Variants in PPP2R2A observed in about 807,000 individuals in gnomAD.
PPP2R2A encodes the protein serine/threonine-protein phosphatase 2A 55 kDa regulatory subunit B alpha isoform.
Under a neutral mutation model 53.2 loss-of-function variants are expected in PPP2R2A, and 9 were observed. That is an observed-to-expected ratio of 0.17 (90% confidence interval 0.10 to 0.30). The LOEUF is 0.30. Ranked by LOEUF, PPP2R2A falls within the 10% of genes least tolerant of loss-of-function variation. PPP2R2A has a pLI of 1.00. For missense variants in PPP2R2A, 235 were observed against 534.6 expected (o/e 0.44, Z 5.53); for synonymous variants, 169 against 174.2 (o/e 0.97, Z 0.23).
chr8:26,295,551 G>A (rs959993905), intron 2 of PPP2R2A, among the ~76,000 whole-genome samples: 9 of 152,316 alleles, frequency 5.9e-5, no homozygotes, highest in East Asian at 1.9e-4. Context: ...GAAGTTAGGA[G>A]ATAAATCAGT....
intron 3 of PPP2R2A, among the ~76,000 whole-genome samples, chr8:26,342,428 G>A (rs916905870): frequency 5.9e-5 from 9 of 152,204 alleles, no homozygotes; most frequent in African/African-American, 1.4e-4. Flanking sequence ...GGATAATGAT[G>A]TTCTCTAGGT....
chr8:26,327,398 A>G (rs1018669568), intron 2 of PPP2R2A, among the ~76,000 whole-genome samples: 4 of 152,296 alleles, frequency 2.6e-5, no homozygotes, highest in Middle Eastern at 3.4e-3. Flanking sequence ...AGAGGAAGGA[A>G]TGGTTGGAAC....
Position 26,362,953 on chromosome 8 carries a change from G to T in PPP2R2A, c.802+105G>T. The T allele has an allele frequency of 1.8e-6, 2 of 1,121,526 alleles. No homozygotes were observed. Among genetic ancestry groups the T allele is most frequent in the Non-Finnish European group, 2.5e-6 (2 of 785,678 alleles). 69.5% of individuals were successfully genotyped at this position (1,121,526 alleles called of 1,614,324 possible). A position where few individuals can be genotyped will look rare whatever the true frequency, so the allele number is the denominator to read the frequency against. On this transcript the variant is annotated intron_variant, in intron 7 of 9. Transcript: ENST00000380737. The surrounding 1 kb of genome is among the most constrained non-coding windows in gnomAD (Gnocchi z 4.4). ...TACAGAGGTTCAAAGTCTTAAACCC[G>T]TGTGTCCAGAGCCACTTGTACCCTT... is the stretch of plus-strand genomic sequence containing the variant.
intron 2 of PPP2R2A, among the ~76,000 whole-genome samples, chr8:26,326,730 G>C (rs567317487): frequency 6.6e-6 from 1 of 152,078 alleles, no homozygotes; most frequent in Non-Finnish European, 1.5e-5. Flanking sequence ...ACTTAATAAG[G>C]CCACTGAATG....
At chr8:26,297,336 G>A (rs1465263789) in intron 2 of PPP2R2A, among the ~76,000 whole-genome samples, 2 of 152,050 alleles carry the variant, frequency 1.3e-5, no homozygotes, top group Non-Finnish European at 2.9e-5. Context: ...TTGAACTCCT[G>A]ACCTCAAGTG....
rs112318680 is a variant in PPP2R2A, at chr8:26,300,594, G to A, written c.82+6854G>A. ...AAGCTGGCGGGGCGCGGTGGCTCAC[G>A]CCTGTAATCCCAGCACTTTGGGAGA... On this transcript the variant is annotated intron_variant, in intron 2 of 9. Coordinates refer to ENST00000380737, the MANE Select transcript of PPP2R2A (RefSeq NM_002717.4). Among the ~76,000 whole-genome samples the A allele has an allele frequency of 1.4e-3, 213 of 152,310 alleles. 2 individuals are homozygous for A. The highest frequency in any genetic ancestry group is 5.1e-3 in the African/African-American group (210 of 41,574).
chr8:26,295,663 T>C (rs572399272), intron 2 of PPP2R2A, among the ~76,000 whole-genome samples: 2 of 152,348 alleles, frequency 1.3e-5, no homozygotes, highest in South Asian at 4.1e-4. Context: ...AGCATATTCT[T>C]AGCATCGTAA....
At chr8:26,304,809 A>G (rs1801940300) in intron 2 of PPP2R2A, among the ~76,000 whole-genome samples, 1 of 152,210 alleles carries the variant, frequency 6.6e-6, no homozygotes, top group Non-Finnish European at 1.5e-5. Context: ...GTAGTAGCAA[A>G]GGCATTGCTT....
chr8:26,357,722 C>T (rs141721466), intron 4 of PPP2R2A, among the ~76,000 whole-genome samples: 41 of 152,054 alleles, frequency 2.7e-4, no homozygotes, highest in Non-Finnish European at 3.5e-4. Flanking sequence ...GAAACGGCAG[C>T]GTGGTTTTCC....
intron 2 of PPP2R2A, among the ~76,000 whole-genome samples, chr8:26,300,996 T>C (rs779675306): frequency 2.0e-5 from 3 of 152,230 alleles, no homozygotes; most frequent in Non-Finnish European, 4.4e-5. Flanking sequence ...GGCATTGTTT[T>C]AGGTCCTTTA....
In PPP2R2A at chr8:26,316,607, G is replaced by C. The variant is rs187496740; in HGVS notation, c.83-22283G>C. On this transcript the variant is annotated intron_variant, in intron 2 of 9. Transcript: ENST00000380737. ...CTTTTGGGCTGCTGTTAACAGAATA[G>C]TACAGACTGGGTGGCTTACAAACAA... Among the ~76,000 whole-genome samples, 389 of 152,308 alleles carry C rather than the reference G, an allele frequency of 2.6e-3. 1 individual carries two copies. Among genetic ancestry groups the C allele is most frequent in the Non-Finnish European group, 4.2e-3 (288 of 68,024 alleles).
chr8:26,343,866 CAAAAG>C (rs753245953), intron 3 of PPP2R2A, among the ~76,000 whole-genome samples: 31 of 152,058 alleles, frequency 2.0e-4, no homozygotes, highest in Non-Finnish European at 3.8e-4. Context: ...TGCCCATAAT[CAAAAG>C]AAATGCTGAA....
chr8:26,300,553 A>T (rs1321355155), intron 2 of PPP2R2A, among the ~76,000 whole-genome samples: 1 of 152,168 alleles, frequency 6.6e-6, no homozygotes, highest in East Asian at 1.9e-4. Context: ...TCCTCAGCAG[A>T]CAGAAAGAAA....
rs1478652821 is a variant in PPP2R2A, at chr8:26,354,314, A to G, written c.181-154A>G. On this transcript the variant is annotated intron_variant, in intron 3 of 9. Transcript: ENST00000380737. The surrounding 1 kb of genome is among the most constrained non-coding windows in gnomAD (Gnocchi z 4.6). Reference sequence around the variant, plus strand: ...TTAAGTTTTCTCATTTAATCCTTGAAGGCCTTTAGAAATATAAAAAACAGA... The same window carrying G: ...TTAAGTTTTCTCATTTAATCCTTGAGGGCCTTTAGAAATATAAAAAACAGA... 1 of 483,394 alleles carries G rather than the reference A, an allele frequency of 2.1e-6. No individual in the cohort carries two copies. The highest frequency in any genetic ancestry group is 3.3e-6 in the Non-Finnish European group (1 of 300,494). 29.9% of individuals were successfully genotyped at this position (483,394 alleles called of 1,614,324 possible).
At chr8:26,365,460 T>C (rs1220335399) in intron 8 of PPP2R2A, 1 of 152,192 alleles carries the variant, frequency 6.6e-6, no homozygotes, top group Non-Finnish European at 1.5e-5. Flanking sequence ...GTTTAGATTG[T>C]TTCATATAGA....
In PPP2R2A at chr8:26,370,099, G is replaced by A. The variant is rs1805595762; in HGVS notation, c.1065-35G>A. 1.9e-6 allele frequency: 3 copies of A among 1,580,960 alleles called. No individual in the cohort carries two copies. Among genetic ancestry groups the A allele is most frequent in the Middle Eastern group, 3.4e-4 (2 of 5,912 alleles). ...TTACTTGAAAACAATTTCTTGTTCTGCTTGTTTGACTGAGTGTACTGTCTA... is the reference window on the plus strand; with the variant it reads ...TTACTTGAAAACAATTTCTTGTTCTACTTGTTTGACTGAGTGTACTGTCTA... On this transcript the variant is annotated intron_variant, in intron 9 of 9. Coordinates refer to ENST00000380737, the MANE Select transcript of PPP2R2A (RefSeq NM_002717.4). The surrounding 1 kb of genome is among the most constrained non-coding windows in gnomAD (Gnocchi z 6.1).
rs147795877 is a variant in PPP2R2A, at chr8:26,297,359, C to T, written c.82+3619C>T. On this transcript the variant is annotated intron_variant, in intron 2 of 9. Transcript: ENST00000380737. ...CTGACCTCAAGTGATCCACCTGCCTCGGCCTCCCAAAGTGCTGAGATTACA... is the reference window on the plus strand; with the variant it reads ...CTGACCTCAAGTGATCCACCTGCCTTGGCCTCCCAAAGTGCTGAGATTACA... Among the ~76,000 whole-genome samples the T allele has an allele frequency of 3.6e-3, 545 of 152,228 alleles. 2 individuals are homozygous for T. The highest frequency in any genetic ancestry group is 0.012 in the African/African-American group (513 of 41,540).
intron 2 of PPP2R2A, among the ~76,000 whole-genome samples, chr8:26,303,971 A>C (rs1305756489): frequency 1.3e-5 from 2 of 152,152 alleles, no homozygotes; most frequent in Non-Finnish European, 2.9e-5. Flanking sequence ...TACCAGATGG[A>C]GTTTTCTCTT....
intron 2 of PPP2R2A, among the ~76,000 whole-genome samples, chr8:26,330,065 G>A (rs943330779): frequency 3.3e-5 from 5 of 152,050 alleles, no homozygotes; most frequent in Admixed American, 1.3e-4. Context: ...TGATACTTAC[G>A]TTAGAGCACT....
Sources: allele counts gnomAD v4.1 joint callset (sites outside exome capture counted in the v4.1 genomes callset), GRCh38; gene constraint gnomAD v4.1.1; non-coding constraint Gnocchi (gnomAD v3.1); transcripts MANE v1.5; gene names NCBI Gene and HGNC (gene_info 2026-07-23, HGNC 2026-07-21).